Variants in GPHN observed in about 807,000 individuals in gnomAD.
GPHN encodes the protein gephyrin.
In GPHN, 17 loss-of-function variants were observed where a neutral mutation model predicts 95.5. The observed-to-expected ratio is 0.18, with a 90% CI of 0.12 to 0.27. The LOEUF is 0.27. GPHN is among the 10% of genes least tolerant of loss of function. The pLI is 1.00. For synonymous variants in GPHN, 320 were observed against 322.5 expected (o/e 0.99, Z 0.08); for missense variants, 660 against 978.1 (o/e 0.67, Z 4.34).
At position 67,044,168 on chromosome 14, in the gene GPHN, C is replaced by T. The variant is rs150661125; in HGVS notation, c.1007-14481C>T. Among the ~76,000 whole-genome samples, 601 of 152,098 alleles carry T rather than the reference C, an allele frequency of 4.0e-3. 7 individuals are homozygous for T. Among genetic ancestry groups the T allele is most frequent in the African/African-American group, 0.014 (562 of 41,494 alleles). ...CCTGGCCAACATGGTGAAACCCCGT[C>T]TCTACTAAAAATACAACAATTAGCC... On this transcript the variant is annotated intron_variant, in intron 10 of 22. Coordinates refer to ENST00000478722, the MANE Select transcript of GPHN (RefSeq NM_020806.5).
chr14:66,554,963 A>G (rs946084370), intron 1 of GPHN, among the ~76,000 whole-genome samples: 2 of 152,194 alleles, frequency 1.3e-5, no homozygotes, highest in African/African-American at 2.4e-5. Context: ...TCTAGTACCC[A>G]AAGATACTAT....
At chr14:66,830,912 T>A (rs1274331425) in intron 4 of GPHN, among the ~76,000 whole-genome samples, 1 of 152,152 alleles carries the variant, frequency 6.6e-6, no homozygotes, top group Non-Finnish European at 1.5e-5. Context: ...ATCAATTTGT[T>A]GAAATATATG....
At chr14:66,624,811 C>T (rs2063456361) in intron 1 of GPHN, among the ~76,000 whole-genome samples, 1 of 152,218 alleles carries the variant, frequency 6.6e-6, no homozygotes, top group Non-Finnish European at 1.5e-5. Context: ...TTTCTAACTC[C>T]TACCTTAGAC....
At chr14:66,802,733 G>A (rs1037198666) in intron 3 of GPHN, among the ~76,000 whole-genome samples, 3 of 152,134 alleles carry the variant, frequency 2.0e-5, no homozygotes, top group Admixed American at 2.0e-4. Flanking sequence ...GGTCCAGGGT[G>A]TATCTAGAAG....
intron 3 of GPHN, among the ~76,000 whole-genome samples, chr14:66,797,160 T>C (rs1393560010): frequency 6.6e-6 from 1 of 151,808 alleles, no homozygotes; most frequent in African/African-American, 2.4e-5. Context: ...GATTTGTTTC[T>C]GGGTTCTCTA....
the GPHN span, chr14:67,270,345 T>C: frequency 6.6e-6 from 1 of 152,200 alleles, no homozygotes; most frequent in Non-Finnish European, 1.5e-5. Context: ...GTAAAGATTT[T>C]TGTATTTGTG....
chr14:66,529,261 T>C (rs1306276441), intron 1 of GPHN, among the ~76,000 whole-genome samples: 1 of 152,078 alleles, frequency 6.6e-6, no homozygotes, highest in Non-Finnish European at 1.5e-5. Flanking sequence ...AATTCGGCTG[T>C]TGATACTTGT....
At chr14:67,102,870 TGAG>T (rs1464171491) in intron 13 of GPHN, among the ~76,000 whole-genome samples, 1 of 152,140 alleles carries the variant, frequency 6.6e-6, no homozygotes, top group Non-Finnish European at 1.5e-5. Context: ...ATCCAAAAAT[TGAG>T]GAGATTCGCA....
chr14:67,304,283 T>A, the GPHN span, among the ~76,000 whole-genome samples: 2 of 152,158 alleles, frequency 1.3e-5, no homozygotes, highest in Non-Finnish European at 2.9e-5. Flanking sequence ...GTCAAGCAAT[T>A]GCATTCCAAA....
At chr14:67,663,154 G>C in the GPHN span, 4 of 1,532,620 alleles carry the variant, frequency 2.6e-6, no homozygotes, top group Middle Eastern at 1.7e-4. Flanking sequence ...CCCTTTGGTT[G>C]AGTGTATCTT....
rs1209296037 is a variant in GPHN, at chr14:66,761,313, C to T, written c.144-15151C>T. Reference sequence around the variant, plus strand: ...CCATTTGGATAATGGCACTAGGCAGCATTTGTATAATAACTAGTGACAAAA... The same window carrying T: ...CCATTTGGATAATGGCACTAGGCAGTATTTGTATAATAACTAGTGACAAAA... On this transcript the variant is annotated intron_variant, in intron 2 of 22. Coordinates refer to ENST00000478722, the MANE Select transcript of GPHN (RefSeq NM_020806.5). 2.6e-5 allele frequency among the ~76,000 whole-genome samples: 4 copies of T among 152,070 alleles called. No homozygotes were observed. The South Asian group carries it at 8.3e-4, about 31-fold the overall frequency.
At chr14:67,609,557 G>C in the GPHN span, among the ~76,000 whole-genome samples, 2 of 152,234 alleles carry the variant, frequency 1.3e-5, no homozygotes, top group East Asian at 3.9e-4. Context: ...GTGTGTGTTG[G>C]GGGTGGGGCA....
At chr14:66,524,701 T>C (rs2058617701) in intron 1 of GPHN, among the ~76,000 whole-genome samples, 1 of 152,108 alleles carries the variant, frequency 6.6e-6, no homozygotes, top group South Asian at 2.1e-4. Context: ...CTTGTGTCCA[T>C]GTGTTCTCAT....
At chr14:66,546,447 C>T (rs79333893) in intron 1 of GPHN, among the ~76,000 whole-genome samples, 1 of 152,040 alleles carries the variant, frequency 6.6e-6, no homozygotes, top group Non-Finnish European at 1.5e-5. Flanking sequence ...TGTAGTGAGC[C>T]GAGATCACGC....
chr14:67,077,100 T>C (rs961749506), intron 11 of GPHN, among the ~76,000 whole-genome samples: 4 of 152,218 alleles, frequency 2.6e-5, no homozygotes, highest in Non-Finnish European at 5.9e-5. Flanking sequence ...GAAGAAAGTA[T>C]AGACAGTCAC....
chr14:67,548,802 T>C, the GPHN span, among the ~76,000 whole-genome samples: 4 of 152,252 alleles, frequency 2.6e-5, no homozygotes, highest in African/African-American at 9.6e-5. Flanking sequence ...AGTGCAACCA[T>C]GTGTACTTTC....
chr14:66,605,910 G>C (rs1337177393), intron 1 of GPHN, among the ~76,000 whole-genome samples: 5 of 152,092 alleles, frequency 3.3e-5, no homozygotes, highest in Admixed American at 3.3e-4. Context: ...ACCTTTGTCA[G>C]ATGCATAGTT....
chr14:67,520,076 T>C, the GPHN span, among the ~76,000 whole-genome samples: 1 of 152,290 alleles, frequency 6.6e-6, no homozygotes, highest in Non-Finnish European at 1.5e-5. Flanking sequence ...GAGAAGAAAG[T>C]ACAGAGATTT....
chr14:67,070,350 C>CAT (rs973193330), intron 11 of GPHN, among the ~76,000 whole-genome samples: 11 of 147,314 alleles, frequency 7.5e-5, no homozygotes, highest in Admixed American at 6.8e-4. Context: ...TATATACACA[C>CAT]ATATATATAT....
Sources: gnomAD v4.1 joint callset for allele counts (sites outside exome capture counted in the v4.1 genomes callset) on GRCh38, gnomAD v4.1.1 for gene constraint, MANE v1.5 for transcripts, NCBI Gene and HGNC (gene_info 2026-07-23, HGNC 2026-07-21) for gene names.